The following KTN1 variants were observed in gnomAD, a reference collection of about 807,000 sequenced individuals.
The protein encoded by KTN1 is kinectin.
Under a neutral mutation model 222.5 loss-of-function variants are expected in KTN1, and 130 were observed. The observed-to-expected ratio is 0.58, with a 90% CI of 0.51 to 0.68. KTN1 has a LOEUF of 0.68. KTN1 is among the 30% of genes least tolerant of loss of function. The pLI is 0.00. For synonymous variants in KTN1, 512 were observed against 496.3 expected, an observed-to-expected ratio of 1.03 and a Z score of -0.42; for missense variants, 1,508 against 1,500.4, an observed-to-expected ratio of 1.01 and a Z score of -0.08.
chr14:55,604,559 T>C (rs956139477), intron 1 of KTN1, among the ~76,000 whole-genome samples: 4 of 152,192 alleles, frequency 2.6e-5, no homozygotes, highest in Admixed American at 1.3e-4. Context: ...CTTATCACTA[T>C]TCTTGCTACT....
At chr14:55,681,701 C>G (rs1025342818) in intron 43 of KTN1, 5 of 152,050 alleles carry the variant, frequency 3.3e-5, no homozygotes, top group Admixed American at 2.6e-4. Context: ...GGGTGGTTGA[C>G]AGTATTATAT....
chr14:55,643,057 A>G (rs2041959574), intron 18 of KTN1, among the ~76,000 whole-genome samples: 1 of 152,008 alleles, frequency 6.6e-6, no homozygotes, highest in Admixed American at 6.6e-5. Context: ...CTACAGGCAT[A>G]TGCCACCATG....
At chr14:55,671,532 A>G (rs1004342648) in intron 35 of KTN1, 34 bp from the exon 36 acceptor site, 12 of 1,507,114 alleles carry the variant, frequency 8.0e-6, no homozygotes, top group Non-Finnish European at 1.1e-5. Flanking sequence ...TTCTGGTAGA[A>G]TTATGGAGTT....
At chr14:55,623,631 A>G (rs759856700) in intron 5 of KTN1, among the ~76,000 whole-genome samples, 4 of 152,212 alleles carry the variant, frequency 2.6e-5, no homozygotes, top group Non-Finnish European at 5.9e-5. Flanking sequence ...TTGGCCTCCC[A>G]AAGTGCTAGG....
At chr14:55,593,987 A>G (rs1017250091) in intron 1 of KTN1, among the ~76,000 whole-genome samples, 6 of 151,950 alleles carry the variant, frequency 3.9e-5, no homozygotes, top group African/African-American at 1.5e-4. Flanking sequence ...TCTTCCCTCT[A>G]CTGCACTTAA....
At chr14:55,669,050 C>T (rs970996837) in intron 34 of KTN1, among the ~76,000 whole-genome samples, 7 of 151,822 alleles carry the variant, frequency 4.6e-5, no homozygotes, top group Admixed American at 2.0e-4. Flanking sequence ...GAAAGGGTTG[C>T]TATTAATATA....
rs548551191 is a variant in KTN1 at position 55,671,665 on chromosome 14, G to A, written c.3438+10G>A. 1.7e-5 allele frequency: 27 copies of A among 1,598,342 alleles called. No homozygotes were observed. In the South Asian group the frequency reaches 2.8e-4, roughly 16 times the overall value. On this transcript the variant is annotated intron_variant, in intron 36 of 43. Transcript: ENST00000395314. ...CGTCCTTGCAGAAACAGTAGGAAATGATTTTTAATCTACATTTTGATTTTA... is the reference window on the plus strand; with the variant it reads ...CGTCCTTGCAGAAACAGTAGGAAATAATTTTTAATCTACATTTTGATTTTA...
At chr14:55,623,668 G>T (rs1300947075) in intron 5 of KTN1, among the ~76,000 whole-genome samples, 2 of 152,236 alleles carry the variant, frequency 1.3e-5, no homozygotes, top group African/African-American at 4.8e-5. Flanking sequence ...ACGGCTCCTA[G>T]CCTTGATATT....
intron 19 of KTN1, 82 bp from the exon 20 acceptor site, chr14:55,647,943 C>CA (rs924024546): frequency 1.5e-3 from 542 of 373,078 alleles, no homozygotes; most frequent in East Asian, 2.9e-3. Context: ...GTCTCTGTCT[C>CA]AAAAAAAAAT....
intron 16 of KTN1, 69 bp downstream of exon 16, chr14:55,641,039 T>A: frequency 6.7e-7 from 1 of 1,490,280 alleles, no homozygotes; most frequent in Non-Finnish European, 9.3e-7. Context: ...CAGAAAATAT[T>A]GCTGCTTATA....
At chr14:55,656,425 A>G (rs1490202329) in intron 29 of KTN1, 4 of 264,912 alleles carry the variant, frequency 1.5e-5, no homozygotes, top group East Asian at 7.6e-5. Context: ...TTTCTGCCTT[A>G]ACTTTTAATA....
chr14:55,666,695 A>G (rs1049444823), intron 33 of KTN1, among the ~76,000 whole-genome samples: 20 of 151,904 alleles, frequency 1.3e-4, no homozygotes, highest in Non-Finnish European at 2.2e-4. Context: ...TCTTTTTCCC[A>G]TTTATGTCAT....
intron 34 of KTN1, chr14:55,668,743 T>G (rs1169984676): frequency 6.6e-6 from 1 of 152,144 alleles, no homozygotes; most frequent in Non-Finnish European, 1.5e-5. Flanking sequence ...CATATACATT[T>G]CCTGCCCCAA....
intron 5 of KTN1, 140 bp downstream of exon 5, chr14:55,619,452 C>G: frequency 1.3e-6 from 1 of 746,960 alleles, no homozygotes; most frequent in Admixed American, 2.3e-5. Flanking sequence ...TCAGAAATTA[C>G]TTTATATATC....
intron 9 of KTN1, 138 bp downstream of exon 9, chr14:55,634,796 G>A (rs2040926514): frequency 3.2e-6 from 2 of 634,670 alleles, no homozygotes; most frequent in South Asian, 5.2e-5. Flanking sequence ...GGTTCAACAT[G>A]GCTGGGGAGG....
At chr14:55,622,691 C>G (rs938899869) in intron 5 of KTN1, among the ~76,000 whole-genome samples, 3 of 152,166 alleles carry the variant, frequency 2.0e-5, no homozygotes, top group Admixed American at 6.5e-5. Context: ...GACCTTTCAC[C>G]TGATTACCTA....
chr14:55,661,911 T>A (rs936886285), intron 32 of KTN1: 1 of 194,704 alleles, frequency 5.1e-6, no homozygotes, highest in Non-Finnish European at 1.0e-5. Flanking sequence ...TGAACTTTTA[T>A]TTGGAAAAAC....
chr14:55,592,247 T>G (rs528457222), intron 1 of KTN1, among the ~76,000 whole-genome samples: 7 of 152,376 alleles, frequency 4.6e-5, no homozygotes, highest in Admixed American at 4.6e-4. Flanking sequence ...CACAGTTCTT[T>G]CCCTGGAATT....
rs538988548 is a variant in KTN1, at chr14:55,676,507, C to T, written c.3855+589C>T. On this transcript the variant is annotated intron_variant, in intron 41 of 43. Coordinates refer to ENST00000395314, the MANE Select transcript of KTN1 (RefSeq NM_001079521.2). ...GCTATGATAGTGTTTATGGATATAT[C>T]ATCATTAGCAAAACAAGTGTCACTT... Among the ~76,000 whole-genome samples the T allele has an allele frequency of 8.5e-5, 13 of 152,166 alleles. No individual in the cohort carries two copies. The East Asian group carries it at 2.3e-3, about 27-fold the overall frequency.
Sources: gnomAD v4.1 joint callset for allele counts (sites outside exome capture counted in the v4.1 genomes callset) on GRCh38, gnomAD v4.1.1 for gene constraint, MANE v1.5 for transcripts, NCBI Gene and HGNC (gene_info 2026-07-23, HGNC 2026-07-21) for gene names.